Variants in CDH13 observed in about 807,000 individuals in gnomAD.
CDH13 encodes cadherin-13.
Under a neutral mutation model 63.8 loss-of-function variants are expected in CDH13, and 24 were observed. The ratio of observed to expected loss-of-function variants is 0.38; its 90% CI spans 0.27 to 0.53. The LOEUF (loss-of-function observed/expected upper bound fraction) is 0.53, where lower values mean the gene tolerates loss of function less well. CDH13 is among the 20% of genes least tolerant of loss of function. The pLI, the probability that CDH13 is intolerant of heterozygous loss-of-function variation, is 0.85. For missense variants in CDH13, 1,049 were observed against 903.1 expected, an observed-to-expected ratio of 1.16 and a Z score of -2.07; for synonymous variants, 503 against 355.3, an observed-to-expected ratio of 1.42 and a Z score of -4.67.
chr16:83,360,140 G>A (rs1185626416), intron 6 of CDH13, among the ~76,000 whole-genome samples: 1 of 152,198 alleles, frequency 6.6e-6, no homozygotes, highest in Non-Finnish European at 1.5e-5. Flanking sequence ...CAAAGATAGG[G>A]CTTCCTTTTA....
chr16:83,481,615 G>T (rs868328574), intron 6 of CDH13, among the ~76,000 whole-genome samples: 1 of 152,300 alleles, frequency 6.6e-6, no homozygotes, highest in East Asian at 1.9e-4. Context: ...TCAGGCTGGC[G>T]GCCGTGTCCT....
chr16:83,631,090 G>GC (rs1567468253), intron 8 of CDH13, among the ~76,000 whole-genome samples: 1 of 152,178 alleles, frequency 6.6e-6, no homozygotes, highest in Admixed American at 6.5e-5. Flanking sequence ...CCTCAGTTCT[G>GC]CATTTGCTGG....
intron 7 of CDH13, among the ~76,000 whole-genome samples, chr16:83,519,480 C>T (rs1293354063): frequency 1.3e-5 from 2 of 152,140 alleles, no homozygotes; most frequent in African/African-American, 2.4e-5. Context: ...TTCTACATTC[C>T]TTATTTGAGG....
chr16:83,691,317 G>C (rs1372891834), intron 10 of CDH13, among the ~76,000 whole-genome samples: 1 of 152,132 alleles, frequency 6.6e-6, no homozygotes, highest in Non-Finnish European at 1.5e-5. Flanking sequence ...CTGGGTATCA[G>C]GGGGCGTTTG....
chr16:83,012,457 T>C (rs1403415841), intron 2 of CDH13, among the ~76,000 whole-genome samples: 1 of 152,136 alleles, frequency 6.6e-6, no homozygotes, highest in Non-Finnish European at 1.5e-5. Flanking sequence ...TAATTCCCAT[T>C]TCATTTTCCA....
chr16:82,663,014 G>C (rs964034187), intron 1 of CDH13, among the ~76,000 whole-genome samples: 1 of 152,192 alleles, frequency 6.6e-6, no homozygotes, highest in Non-Finnish European at 1.5e-5. Flanking sequence ...TAGCTGACTT[G>C]TCTCTTCCTA....
chr16:82,968,086 C>G (rs149526563), intron 2 of CDH13, among the ~76,000 whole-genome samples: 47 of 152,296 alleles, frequency 3.1e-4, no homozygotes, highest in African/African-American at 1.0e-3. Flanking sequence ...AAAGCTCCCC[C>G]CAACTTAAGA....
intron 6 of CDH13, among the ~76,000 whole-genome samples, chr16:83,406,723 C>A (rs1340823923): frequency 1.3e-5 from 2 of 152,174 alleles, no homozygotes; most frequent in Non-Finnish European, 2.9e-5. Flanking sequence ...GCCTCAACCT[C>A]CCAAAGTGCT....
rs183944280 is a variant in CDH13 at position 83,391,354 on chromosome 16, T to C, written c.781+46348T>C. 5.7e-3 allele frequency among the ~76,000 whole-genome samples: 873 copies of C among 151,998 alleles called. 15 individuals are homozygous for C. Among genetic ancestry groups the C allele is most frequent in the African/African-American group, 0.019 (777 of 41,486 alleles). Reference sequence around the variant, plus strand: ...CCGAGTAGCTGGGATTACAGGTGCCTACCACCACACCCAGCTAATTTTTGT... The same window carrying C: ...CCGAGTAGCTGGGATTACAGGTGCCCACCACCACACCCAGCTAATTTTTGT... On this transcript the variant is annotated intron_variant, in intron 6 of 13. Transcript: ENST00000567109.
At chr16:83,657,343 A>T (rs1233844110) in intron 8 of CDH13, among the ~76,000 whole-genome samples, 1 of 152,170 alleles carries the variant, frequency 6.6e-6, no homozygotes, top group African/African-American at 2.4e-5. Flanking sequence ...GGTGTCCCCC[A>T]TAGACCGTCA....
At chr16:83,472,485 G>T (rs1005197868) in intron 6 of CDH13, among the ~76,000 whole-genome samples, 2 of 152,186 alleles carry the variant, frequency 1.3e-5, no homozygotes, top group African/African-American at 4.8e-5. Flanking sequence ...CCGGGAGCTG[G>T]CTTGTAGCAG....
intron 7 of CDH13, among the ~76,000 whole-genome samples, chr16:83,502,893 A>G (rs1287154160): frequency 6.6e-6 from 1 of 152,186 alleles, no homozygotes; most frequent in Non-Finnish European, 1.5e-5. Context: ...GGGTCTCCCT[A>G]GAAGGCTGGG....
At chr16:83,258,598 A>C (rs1409441032) in intron 5 of CDH13, among the ~76,000 whole-genome samples, 1 of 152,180 alleles carries the variant, frequency 6.6e-6, no homozygotes, top group Non-Finnish European at 1.5e-5. Flanking sequence ...GACCATTGGC[A>C]CTTTTCAGAG....
At chr16:83,110,012 G>C (rs2034983096) in intron 3 of CDH13, among the ~76,000 whole-genome samples, 1 of 152,190 alleles carries the variant, frequency 6.6e-6, no homozygotes, top group African/African-American at 2.4e-5. Context: ...GTATGTTTTT[G>C]TTTTATTTTT....
chr16:83,584,992 A>T (rs2150728042), intron 7 of CDH13, among the ~76,000 whole-genome samples: 1 of 152,278 alleles, frequency 6.6e-6, no homozygotes, highest in Middle Eastern at 3.4e-3. Context: ...CTCTGCCCCA[A>T]GATCCAAACA....
At chr16:82,892,284 A>G (rs74619778) in intron 2 of CDH13, among the ~76,000 whole-genome samples, 248 of 152,310 alleles carry the variant, frequency 1.6e-3, no homozygotes, top group African/African-American at 5.6e-3. Flanking sequence ...TGCTTTTGTT[A>G]TTATTACTTG....
chr16:82,770,208 C>T lies in CDH13; in HGVS notation c.46-88154C>T, dbSNP rs972925132. On this transcript the variant is annotated intron_variant, in intron 1 of 13. Coordinates refer to ENST00000567109, the MANE Select transcript of CDH13 (RefSeq NM_001257.5). The stretch of plus-strand genomic sequence containing the variant: ...TTGGAAAGTATTAGAGAATAGTGTT[C>T]GAATAGTAATGTTTTCCCTTGCTTT... Among the ~76,000 whole-genome samples the T allele has an allele frequency of 4.6e-5, 7 of 152,178 alleles. No homozygotes were observed. The East Asian group carries it at 1.2e-3, about 25-fold the overall frequency.
chr16:83,428,100 C>T (rs938261454), intron 6 of CDH13, among the ~76,000 whole-genome samples: 3 of 152,106 alleles, frequency 2.0e-5, no homozygotes, highest in African/African-American at 4.8e-5. Flanking sequence ...TAAGTTGGGG[C>T]GAAAGCTCCA....
At chr16:83,267,558 C>G (rs892867254) in intron 5 of CDH13, among the ~76,000 whole-genome samples, 21 of 152,274 alleles carry the variant, frequency 1.4e-4, no homozygotes, top group African/African-American at 5.1e-4. Flanking sequence ...GGGGGCTCCA[C>G]CCTCATGAAT....
Sources: allele counts gnomAD v4.1 joint callset (sites outside exome capture counted in the v4.1 genomes callset), GRCh38; gene constraint gnomAD v4.1.1; transcripts MANE v1.5; gene names NCBI Gene and HGNC (gene_info 2026-07-23, HGNC 2026-07-21).